Variants in NCR3 observed in about 807,000 individuals in gnomAD.
The protein encoded by NCR3 is NK-p30.
A neutral mutation model predicts 16.1 loss-of-function variants in NCR3; 13 were observed. The ratio of observed to expected loss-of-function variants is 0.81; its 90% confidence interval spans 0.53 to 1.28. The LOEUF (loss-of-function observed/expected upper bound fraction) is 1.28. Among genes scored for constraint, NCR3 ranks in the 50% most tolerant of loss-of-function variants. The probability of loss-of-function intolerance (pLI) is 0.00; values close to 1 mark genes in which losing one functional copy is unlikely to be tolerated. For missense variants in NCR3, 202 were observed against 256.8 expected (o/e 0.79, Z 1.46); for synonymous variants, 98 against 106.6 (o/e 0.92, Z 0.50).
chr6:31,592,411 CA>C (rs9281528), intron 1 of NCR3, among the ~76,000 whole-genome samples: 7,300 of 82,334 alleles, frequency 0.089, 217 homozygotes, highest in East Asian at 0.24. Context: ...GACTCAGTCT[CA>C]AAAAAAAAAA....
In NCR3 at chr6:31,592,804, G is replaced by A; in HGVS notation, c.-83C>T. On this transcript the variant is annotated 5_prime_UTR_variant, in exon 1 of 4. Coordinates refer to ENST00000340027, the MANE Select transcript of NCR3 (RefSeq NM_147130.3). ...GGAAGGACTCACTACTTGTAGCCAGGCCTTTGGTCACCAGATGGGGATGGG... is the reference window on the plus strand; with the variant it reads ...GGAAGGACTCACTACTTGTAGCCAGACCTTTGGTCACCAGATGGGGATGGG... The A allele has an allele frequency of 2.0e-6, 3 of 1,510,904 alleles. No individual in the cohort carries two copies. The highest frequency in any genetic ancestry group is 2.7e-6 in the Non-Finnish European group (3 of 1,092,006). The allele number at this position is 1,510,904 out of a possible 1,614,324, so 93.6% of individuals were successfully genotyped here.
At chr6:31,590,707 G>A (rs889711781) in intron 1 of NCR3, among the ~76,000 whole-genome samples, 12 of 152,316 alleles carry the variant, frequency 7.9e-5, no homozygotes, top group Non-Finnish European at 1.6e-4. Flanking sequence ...TTGTCTAGCT[G>A]AAATGTAAAC....
Position 31,589,824 on chromosome 6 carries a change from C to T in NCR3, c.346G>A (p.Gly116Ser). 2 of 1,613,140 alleles carry T rather than the reference C, an allele frequency of 1.2e-6. No individual in the cohort carries two copies. The highest frequency in any genetic ancestry group is 8.5e-7 in the Non-Finnish European group (1 of 1,179,930). ...CGAGTCCCATTCCCTGTCCCGACACCAAGGCCCAGCACCTCCACTCTGCAC... is the reference window on the plus strand; with the variant it reads ...CGAGTCCCATTCCCTGTCCCGACACTAAGGCCCAGCACCTCCACTCTGCAC... The part of the protein sequence containing the change: ...YVCRVEVLGL[G>S]VGTGNGTRLV... The change falls in exon 2 of 4, where the codon GGT (glycine) becomes AGT (serine). Residue 116 changes from glycine (G) to serine (S), a missense_variant. Coordinates refer to ENST00000340027, the MANE Select transcript of NCR3 (RefSeq NM_147130.3). This position sits in a 1 kb window ranked among gnomAD's most constrained non-coding sequence, Gnocchi z 4.8.
At position 31,588,990 on chromosome 6, in the gene NCR3, G is replaced by C; in HGVS notation, c.*77C>G. On this transcript the variant is annotated 3_prime_UTR_variant, in exon 4 of 4. Coordinates refer to ENST00000340027, the MANE Select transcript of NCR3 (RefSeq NM_147130.3). Reference sequence around the variant, plus strand: ...TCCCCTAACAGCCAGAAGAGGGTATGTGTGGGCCTGGCAGGAAAGGGCAGT... The same window carrying C: ...TCCCCTAACAGCCAGAAGAGGGTATCTGTGGGCCTGGCAGGAAAGGGCAGT... 7.0e-7 allele frequency: 1 copy of C among 1,438,692 alleles called. No individual in the cohort carries two copies. The highest frequency in any genetic ancestry group is 9.3e-7 in the Non-Finnish European group (1 of 1,079,706). 89.1% of individuals were successfully genotyped at this position (1,438,692 alleles called of 1,614,324 possible).
chr6:31,590,913 C>T (rs546329988), intron 1 of NCR3, among the ~76,000 whole-genome samples: 68 of 152,180 alleles, frequency 4.5e-4, no homozygotes, highest in Admixed American at 1.5e-3. Context: ...AATCTTGGCT[C>T]ACTGCAAACT....
intron 1 of NCR3, among the ~76,000 whole-genome samples, chr6:31,590,377 G>A (rs1238298043): frequency 2.0e-5 from 3 of 152,054 alleles, no homozygotes; most frequent in Non-Finnish European, 2.9e-5. Context: ...CGAGGTGGGC[G>A]GATCACCAGG....
chr6:31,589,364 C>T lies in NCR3; in HGVS notation c.496+162G>A. On this transcript the variant is annotated intron_variant, in intron 3 of 3. Coordinates refer to ENST00000340027, the MANE Select transcript of NCR3 (RefSeq NM_147130.3). The surrounding 1 kb of genome is among the most constrained non-coding windows in gnomAD (Gnocchi z 4.8). ...TCCTCGGGGCCCATCTGAGGAGTGGCAGTGTGTTCCCATGTGACAGTGGCC... is the reference window on the plus strand; with the variant it reads ...TCCTCGGGGCCCATCTGAGGAGTGGTAGTGTGTTCCCATGTGACAGTGGCC... The T allele has an allele frequency of 1.3e-6, 2 of 1,552,384 alleles. No homozygotes were observed. The highest frequency in any genetic ancestry group is 1.7e-6 in the Non-Finnish European group (2 of 1,147,178).
At position 31,589,225 on chromosome 6, in the gene NCR3, T is replaced by C. The variant is rs924000450; in HGVS notation, c.497-49A>G. 5.6e-6 allele frequency: 9 copies of C among 1,592,996 alleles called. No homozygotes were observed. In the African/African-American group the frequency reaches 1.2e-4, roughly 21 times the overall value. ...TTGGGGGAATCCGGAGAGAGTAGATTTGGCATCTGGAGAATGGAGAAGAAA... is the reference window on the plus strand; with the variant it reads ...TTGGGGGAATCCGGAGAGAGTAGATCTGGCATCTGGAGAATGGAGAAGAAA... On this transcript the variant is annotated intron_variant, in intron 3 of 3. Coordinates refer to ENST00000340027, the MANE Select transcript of NCR3 (RefSeq NM_147130.3). This position sits in a 1 kb window ranked among gnomAD's most constrained non-coding sequence, Gnocchi z 4.8.
At chr6:31,590,942 C>T (rs1223730492) in intron 1 of NCR3, among the ~76,000 whole-genome samples, 1 of 152,062 alleles carries the variant, frequency 6.6e-6, no homozygotes, top group Non-Finnish European at 1.5e-5. Context: ...TGGGTTCAAG[C>T]GATCCTGGTG....
Position 31,592,717 on chromosome 6 carries a change from G to T in NCR3, c.5C>A (p.Ala2Asp). 1 of 1,612,942 alleles carries T rather than the reference G, an allele frequency of 6.2e-7. No individual in the cohort carries two copies. The highest frequency in any genetic ancestry group is 8.5e-7 in the Non-Finnish European group (1 of 1,180,026). M[A>D]WMLLLILIMV... ...GATCAAGATGAGCAACAGCATCCAG[G>T]CCATGTCGGAAGATGTCCCAGTTGG... The change falls in exon 1 of 4, where the codon GCC becomes GAC. Residue 2 changes from alanine to aspartate, a missense_variant. Physicochemically the swap from Ala to Asp is moderately radical, Grantham distance 126. Transcript: ENST00000340027.
Position 31,589,701 on chromosome 6 carries a change from C to G in NCR3, c.389-68G>C. On this transcript the variant is annotated intron_variant, in intron 2 of 3. Transcript: ENST00000340027. This position sits in a 1 kb window ranked among gnomAD's most constrained non-coding sequence, Gnocchi z 4.8. ...ACAGGCTCAGGGAGGGAAGGGGCCT[C>G]AGAGGAGCATCCCTGCCTCCCAAGG... 6.2e-7 allele frequency: 1 copy of G among 1,607,304 alleles called. No individual in the cohort carries two copies. Among genetic ancestry groups the G allele is most frequent in the Non-Finnish European group, 8.5e-7 (1 of 1,175,842 alleles).
In NCR3 at chr6:31,589,801, A is replaced by C. The variant is rs763882057; in HGVS notation, c.369T>G (p.Thr123=). ...TCTCACCTTTCTCCACCACCAGCCG[A>C]GTCCCATTCCCTGTCCCGACACCAA... ...LGLGVGTGNG[T]RLVVEKEHPQ... is the part of the protein sequence containing the mutation. Residue 123 remains threonine, a synonymous_variant, in exon 2 of 4, where the codon ACT becomes ACG. Transcript: ENST00000340027. This position sits in a 1 kb window ranked among gnomAD's most constrained non-coding sequence, Gnocchi z 4.8. The C allele has an allele frequency of 1.9e-6, 3 of 1,611,596 alleles. No individual in the cohort carries two copies. The highest frequency in any genetic ancestry group is 2.5e-6 in the Non-Finnish European group (3 of 1,178,738).
Position 31,589,882 on chromosome 6 carries a change from C to A in NCR3, c.288G>T (p.Arg96=). 3.7e-6 allele frequency: 6 copies of A among 1,613,210 alleles called. No homozygotes were observed. The highest frequency in any genetic ancestry group is 5.1e-6 in the Non-Finnish European group (6 of 1,180,054). Residue 96 remains arginine, a synonymous_variant, in exon 2 of 4, where the codon CGG becomes CGT. Coordinates refer to ENST00000340027, the MANE Select transcript of NCR3 (RefSeq NM_147130.3). This position sits in a 1 kb window ranked among gnomAD's most constrained non-coding sequence, Gnocchi z 4.8. ...TGCTGGCGTCATGGCCTCGCACGTC[C>A]CGGATGTGCAGCTCAGCCTGGTGGT... is the stretch of plus-strand genomic sequence containing the variant. ...LHDHQAELHI[R]DVRGHDASIY... is the part of the protein sequence containing the mutation.
rs375316919 is a variant in NCR3 at position 31,592,744 on chromosome 6, G to A, written c.-23C>T. The A allele has an allele frequency of 1.9e-4, 299 of 1,612,698 alleles. 1 individual carries two copies. The highest frequency in any genetic ancestry group is 6.1e-4 in the South Asian group (56 of 91,072). ...CATGTCGGAAGATGTCCCAGTTGGC[G>A]AAGGGGATCTGAGCAGTGAGGTCTG... On this transcript the variant is annotated 5_prime_UTR_variant, in exon 1 of 4. Transcript: ENST00000340027.
At chr6:31,592,121 G>A (rs1425069164) in intron 1 of NCR3, among the ~76,000 whole-genome samples, 4 of 151,944 alleles carry the variant, frequency 2.6e-5, no homozygotes, top group South Asian at 2.1e-4. Context: ...GTGGTGGTGC[G>A]CGCTTGTAAT....
intron 1 of NCR3, among the ~76,000 whole-genome samples, chr6:31,591,165 C>T (rs115166054): frequency 0.016 from 2,399 of 152,230 alleles, 69 homozygotes; most frequent in African/African-American, 0.055. Flanking sequence ...TCTTGGTTTT[C>T]GTTAAAGAAA....
chr6:31,590,495 G>A (rs1329366776), intron 1 of NCR3, among the ~76,000 whole-genome samples: 5 of 152,038 alleles, frequency 3.3e-5, no homozygotes, highest in Non-Finnish European at 5.9e-5. Context: ...CCAGCTACTC[G>A]GGAGGCTGAG....
chr6:31,590,273 C>T, intron 1 of NCR3, 147 bp from the exon 2 acceptor site: 2 of 670,158 alleles, frequency 3.0e-6, no homozygotes, highest in East Asian at 2.7e-5. Flanking sequence ...AAACCCTTCC[C>T]TCTTAACCAA....
intron 1 of NCR3, 126 bp from the exon 2 acceptor site, chr6:31,590,252 G>T: frequency 1.4e-6 from 1 of 733,846 alleles, no homozygotes; most frequent in Non-Finnish European, 2.1e-6. Flanking sequence ...AGATACTTTG[G>T]GTGCCTCATT....
Sources: allele counts gnomAD v4.1 joint callset (sites outside exome capture counted in the v4.1 genomes callset), GRCh38; gene constraint gnomAD v4.1.1; non-coding constraint Gnocchi (gnomAD v3.1); transcripts MANE v1.5; gene names NCBI Gene and HGNC (gene_info 2026-07-23, HGNC 2026-07-21).